Variants in BCL7C observed in about 807,000 individuals in gnomAD.
The protein encoded by BCL7C is BAF chromatin remodeling complex subunit BCL7C.
BCL7C carries 8 observed loss-of-function variants against 26.2 expected under a neutral mutation model. The observed-to-expected ratio is 0.30, with a 90% CI of 0.18 to 0.55. BCL7C has a LOEUF of 0.55. Ranked by LOEUF, BCL7C falls within the 20% of genes least tolerant of loss-of-function variation. The pLI, the probability that BCL7C is intolerant of heterozygous loss-of-function variation, is 0.93. For synonymous variants in BCL7C, 90 were observed against 116.5 expected (o/e 0.77, Z 1.47); for missense variants, 262 against 298.5 (o/e 0.88, Z 0.90).
intron 5 of BCL7C, among the ~76,000 whole-genome samples, chr16:30,878,185 A>T (rs1446278874): frequency 6.7e-6 from 1 of 150,024 alleles, no homozygotes; most frequent in Non-Finnish European, 1.5e-5. Context: ...CAAAAAAACA[A>T]AACAAAACAA....
At position 30,888,941 on chromosome 16, in the gene BCL7C, G is replaced by A. The variant is rs147859188; in HGVS notation, c.447C>T (p.Pro149=). 5.6e-6 allele frequency: 9 copies of A among 1,613,752 alleles called. No individual in the cohort carries two copies. The highest frequency in any genetic ancestry group is 3.3e-5 in the Admixed American group (2 of 59,994). The part of the protein sequence containing the change: ...QPPRLGQERD[P]GGITAGSTDE... ...CGGTGCTGCCAGCAGTTATGCCCCC[G>A]GGATCTGGAACGTCAAGGTAACAAA... The change falls in exon 5 of 6, where the codon CCC becomes CCT. Residue 149 remains proline (P), a synonymous_variant. Transcript: ENST00000215115.
chr16:30,858,602 A>G (rs1011158931), intron 5 of BCL7C, among the ~76,000 whole-genome samples: 2 of 152,194 alleles, frequency 1.3e-5, no homozygotes, highest in African/African-American at 4.8e-5. Flanking sequence ...CCTCAATGCC[A>G]GGAAAAACCT....
In BCL7C at chr16:30,887,845, A is replaced by T; in HGVS notation, c.*20T>A. On this transcript the variant is annotated 3_prime_UTR_variant, in exon 6 of 6. Coordinates refer to ENST00000215115, the MANE Select transcript of BCL7C (RefSeq NM_004765.4). ...AAGCCAAAGGGGCCCCTGGGGCAAC[A>T]GGACAGGCAGGCCGGCTTCTCAGGG... is the stretch of plus-strand genomic sequence containing the variant. 6.5e-7 allele frequency: 1 copy of T among 1,546,150 alleles called. No individual in the cohort carries two copies. The highest frequency in any genetic ancestry group is 2.5e-5 in the East Asian group (1 of 40,500).
chr16:30,853,459 C>T (rs1207805759), intron 5 of BCL7C, among the ~76,000 whole-genome samples: 1 of 152,152 alleles, frequency 6.6e-6, no homozygotes, highest in Non-Finnish European at 1.5e-5. Context: ...TCTGGAATCC[C>T]TCCTGTAGGA....
At chr16:30,868,739 T>G (rs570300372) in intron 5 of BCL7C, among the ~76,000 whole-genome samples, 1 of 151,624 alleles carries the variant, frequency 6.6e-6, no homozygotes, top group African/African-American at 2.4e-5. Context: ...GAGCGGAGAT[T>G]GCGCCATTGC....
chr16:30,882,435 T>C (rs1216768272), intron 5 of BCL7C, among the ~76,000 whole-genome samples: 2 of 152,110 alleles, frequency 1.3e-5, no homozygotes, highest in East Asian at 1.9e-4. Context: ...CTTCACGACA[T>C]AGCAGAGGAG....
chr16:30,843,866 C>T (rs1175378812), intron 5 of BCL7C, among the ~76,000 whole-genome samples: 2 of 151,122 alleles, frequency 1.3e-5, no homozygotes, highest in East Asian at 2.0e-4. Context: ...ATGGTGAAAC[C>T]TCATCTCTAC....
intron 5 of BCL7C, among the ~76,000 whole-genome samples, chr16:30,874,242 C>T (rs1596605720): frequency 6.6e-6 from 1 of 151,938 alleles, no homozygotes. Context: ...GTGATCTGCC[C>T]GACGTGGCCT....
At chr16:30,888,529 G>A (rs895365384) in intron 5 of BCL7C, among the ~76,000 whole-genome samples, 38 of 151,948 alleles carry the variant, frequency 2.5e-4, no homozygotes, top group African/African-American at 7.7e-4. Flanking sequence ...TAGAGACGGG[G>A]TTTCACCGTG....
intron 4 of BCL7C, among the ~76,000 whole-genome samples, chr16:30,889,229 C>T (rs1212818663): frequency 6.6e-6 from 1 of 152,192 alleles, no homozygotes; most frequent in Non-Finnish European, 1.5e-5. Context: ...GGGTTCAAAT[C>T]CTGACCTTGG....
intron 5 of BCL7C, among the ~76,000 whole-genome samples, chr16:30,881,640 C>T (rs1266435913): frequency 6.6e-6 from 1 of 152,168 alleles, no homozygotes; most frequent in Non-Finnish European, 1.5e-5. Flanking sequence ...GCTTGCCCTG[C>T]CTGCGAGGCC....
intron 5 of BCL7C, among the ~76,000 whole-genome samples, chr16:30,869,575 G>A (rs1333965888): frequency 1.3e-5 from 2 of 148,896 alleles, no homozygotes; most frequent in South Asian, 2.1e-4. Flanking sequence ...GCAGTGTCAC[G>A]ATCAAAGCTA....
intron 5 of BCL7C, among the ~76,000 whole-genome samples, chr16:30,872,513 G>C (rs1268774932): frequency 1.3e-5 from 2 of 152,226 alleles, no homozygotes; most frequent in African/African-American, 4.8e-5. Flanking sequence ...AGCACTTCCT[G>C]AACTGCGGTG....
downstream of BCL7C, chr16:30,887,769 T>G (rs368452984): frequency 2.3e-5 from 34 of 1,489,998 alleles, no homozygotes; most frequent in East Asian, 1.5e-4. Context: ...TCCCCAGCCC[T>G]GACGGGGAAA....
chr16:30,877,935 G>A (rs756440284), intron 5 of BCL7C, among the ~76,000 whole-genome samples: 2 of 151,710 alleles, frequency 1.3e-5, no homozygotes, highest in South Asian at 2.1e-4. Flanking sequence ...AGCACTTTGG[G>A]AGGCCAAGGC....
Position 30,893,959 on chromosome 16 carries a change from G to A in BCL7C, c.-15C>T. The A allele has an allele frequency of 7.2e-7, 1 of 1,389,774 alleles. No homozygotes were observed. Among genetic ancestry groups the A allele is most frequent in the Non-Finnish European group, 9.4e-7 (1 of 1,068,486 alleles). The allele number at this position is 1,389,774 out of a possible 1,614,324, so 86.1% of individuals were successfully genotyped here. ...CGGCCGGCCATGCTGGCGGGGCTGG[G>A]GCCGGGGCCGAGCCCGCGGCGGGGC... On this transcript the variant is annotated 5_prime_UTR_variant, in exon 1 of 6. Coordinates refer to ENST00000215115, the MANE Select transcript of BCL7C (RefSeq NM_004765.4). The surrounding 1 kb of genome is among the most constrained non-coding windows in gnomAD (Gnocchi z 5.2).
intron 5 of BCL7C, among the ~76,000 whole-genome samples, chr16:30,877,874 T>TA (rs1352038393): frequency 6.6e-6 from 1 of 151,808 alleles, no homozygotes; most frequent in Non-Finnish European, 1.5e-5. Context: ...GAGGAGCTTG[T>TA]AAAAATCCCA....
intron 5 of BCL7C, among the ~76,000 whole-genome samples, chr16:30,863,702 C>T (rs1004591392): frequency 2.2e-4 from 33 of 152,332 alleles, no homozygotes; most frequent in Admixed American, 2.1e-3. Flanking sequence ...TCTCTTCCCA[C>T]ACAAGGTAAA....
chr16:30,859,947 G>A (rs761221284), intron 5 of BCL7C, among the ~76,000 whole-genome samples: 3 of 152,210 alleles, frequency 2.0e-5, no homozygotes, highest in Non-Finnish European at 2.9e-5. Context: ...CCCTCACTCC[G>A]TGAGGAGATC....
Sources: allele counts gnomAD v4.1 joint callset (sites outside exome capture counted in the v4.1 genomes callset), GRCh38; gene constraint gnomAD v4.1.1; non-coding constraint Gnocchi (gnomAD v3.1); transcripts MANE v1.5; gene names NCBI Gene and HGNC (gene_info 2026-07-23, HGNC 2026-07-21).